Variants in TBC1D13 observed in about 807,000 individuals in gnomAD.
TBC1D13 encodes the protein TBC1 domain family member 13.
TBC1D13 carries 40 observed loss-of-function variants against 53.6 expected under a neutral mutation model. That is an observed-to-expected ratio of 0.75 (90% CI 0.58 to 0.97). The LOEUF (loss-of-function observed/expected upper bound fraction) is 0.97, where lower values mean the gene tolerates loss of function less well. TBC1D13 is among the 50% of genes least tolerant of loss of function. TBC1D13 has a pLI of 0.00. For synonymous variants in TBC1D13, 182 were observed against 197.7 expected (o/e 0.92, Z 0.67); for missense variants, 377 against 499.4 (o/e 0.75, Z 2.34).
intron 7 of TBC1D13, among the ~76,000 whole-genome samples, chr9:128,799,798 G>C (rs971821072): frequency 6.6e-5 from 10 of 152,184 alleles, no homozygotes; most frequent in Admixed American, 2.0e-4. Flanking sequence ...GAGGCGGGCG[G>C]ATCATGAGGT....
In TBC1D13 at chr9:128,797,218, A is replaced by G; in HGVS notation, c.543+4A>G. Reference sequence around the variant, plus strand: ...GAACCGGAGTGGGGTCACAAATGTGAGTGCCAACCTGGGGTCCCCAGGGAC... The same window carrying G: ...GAACCGGAGTGGGGTCACAAATGTGGGTGCCAACCTGGGGTCCCCAGGGAC... On this transcript the variant is annotated splice_donor_region_variant and intron_variant, in intron 7 of 11. Coordinates refer to ENST00000372648, the MANE Select transcript of TBC1D13 (RefSeq NM_018201.5). 6.2e-7 allele frequency: 1 copy of G among 1,613,816 alleles called. No individual in the cohort carries two copies. Among genetic ancestry groups the G allele is most frequent in the Non-Finnish European group, 8.5e-7 (1 of 1,179,836 alleles).
Position 128,804,266 on chromosome 9 carries a change from G to A in TBC1D13, c.918+147G>A. The A allele has an allele frequency of 4.4e-6, 4 of 915,412 alleles. No individual in the cohort carries two copies. In the South Asian group the frequency reaches 7.0e-5, roughly 16 times the overall value. 56.7% of individuals were successfully genotyped at this position (915,412 alleles called of 1,614,324 possible). A position where few individuals can be genotyped will look rare whatever the true frequency, so the allele number is the denominator to read the frequency against. Reference sequence around the variant, plus strand: ...CCCGGGACGCTGACCCATGTGCTGAGGCAGCTGATGGTGGAGCCCAGCTGG... The same window carrying A: ...CCCGGGACGCTGACCCATGTGCTGAAGCAGCTGATGGTGGAGCCCAGCTGG... On this transcript the variant is annotated intron_variant, in intron 9 of 11. Transcript: ENST00000372648.
At chr9:128,794,297 C>T (rs914550082) in intron 6 of TBC1D13, among the ~76,000 whole-genome samples, 9 of 152,190 alleles carry the variant, frequency 5.9e-5, no homozygotes, top group African/African-American at 9.7e-5. Context: ...ATGTGACCCC[C>T]GCACAGGGCA....
chr9:128,795,221 ATT>A (rs749057362), intron 6 of TBC1D13, among the ~76,000 whole-genome samples: 15 of 135,578 alleles, frequency 1.1e-4, no homozygotes, highest in East Asian at 2.1e-4. Context: ...CACCCAGCTA[ATT>A]TTTTTTTTTT....
intron 7 of TBC1D13, among the ~76,000 whole-genome samples, chr9:128,798,714 C>T (rs1829680013): frequency 1.3e-5 from 2 of 152,178 alleles, no homozygotes; most frequent in African/African-American, 4.8e-5. Context: ...CCTTAATTTA[C>T]ACCCCCTACT....
In TBC1D13 at chr9:128,803,974, C is replaced by A. The variant is rs373831850; in HGVS notation, c.773C>A (p.Thr258Asn). The stretch of plus-strand genomic sequence containing the variant: ...CTCCCAGAGCACGCCGAGGCAGACA[C>A]CTTTTTCTGCTTCACCAACCTCATG... ...SEWKEHAEAD[T>N]FFCFTNLMAE... Residue 258 changes from threonine (T) to asparagine (N), a missense_variant, in exon 9 of 12, where the codon ACC becomes AAC. Physicochemically the swap from Thr to Asn is moderately conservative, Grantham distance 65. Transcript: ENST00000372648. 1.2e-6 allele frequency: 2 copies of A among 1,613,294 alleles called. No individual in the cohort carries two copies. Among genetic ancestry groups the A allele is most frequent in the Admixed American group, 1.7e-5 (1 of 59,994 alleles).
Position 128,803,989 on chromosome 9 carries a change from C to T in TBC1D13, c.788C>T (p.Thr263Ile). The T allele has an allele frequency of 1.9e-6, 3 of 1,613,728 alleles. No homozygotes were observed. Among genetic ancestry groups the T allele is most frequent in the Non-Finnish European group, 2.5e-6 (3 of 1,180,030 alleles). Residue 263 changes from threonine to isoleucine, a missense_variant, in exon 9 of 12, where the codon ACC (threonine) becomes ATC (isoleucine). Coordinates refer to ENST00000372648, the MANE Select transcript of TBC1D13 (RefSeq NM_018201.5). ...HAEADTFFCF[T>I]NLMAEIRDNF... ...GAGGCAGACACCTTTTTCTGCTTCA[C>T]CAACCTCATGGCCGAGATCCGGGAC...
chr9:128,797,005 G>T, intron 6 of TBC1D13, 50 bp from the exon 7 acceptor site: 1 of 1,601,728 alleles, frequency 6.2e-7, no homozygotes, highest in South Asian at 1.1e-5. Flanking sequence ...ATGGGATGGC[G>T]AAAACTTCCA....
intron 6 of TBC1D13, among the ~76,000 whole-genome samples, chr9:128,794,055 C>T (rs1829581918): frequency 6.6e-6 from 1 of 152,214 alleles, no homozygotes; most frequent in East Asian, 1.9e-4. Flanking sequence ...GAGGGAGGCC[C>T]TGTTTTCCTT....
rs1276027704 is a variant in TBC1D13, at chr9:128,809,152, G to A, written c.*1273G>A. 1.3e-5 allele frequency: 2 copies of A among 152,378 alleles called. No individual in the cohort carries two copies. Among genetic ancestry groups the A allele is most frequent in the Non-Finnish European group, 2.9e-5 (2 of 68,182 alleles). 9.4% of individuals were successfully genotyped at this position (152,378 alleles called of 1,614,324 possible). On this transcript the variant is annotated 3_prime_UTR_variant, in exon 12 of 12. Transcript: ENST00000372648. Reference sequence around the variant, plus strand: ...AGGCCCTGGGTCCTGCCAGTTCCAGGAGGGCCATGTCTGTGCCTCTGTGTA... The same window carrying A: ...AGGCCCTGGGTCCTGCCAGTTCCAGAAGGGCCATGTCTGTGCCTCTGTGTA...
chr9:128,801,983 G>T (rs1252020768), intron 7 of TBC1D13, among the ~76,000 whole-genome samples: 4 of 147,758 alleles, frequency 2.7e-5, no homozygotes, highest in Non-Finnish European at 6.0e-5. Flanking sequence ...GGATGGTCTT[G>T]GTCTCCTGAC....
In TBC1D13 at chr9:128,787,297, C is replaced by T. The variant is rs1188896585; in HGVS notation, c.-57C>T. ...TGGGGGGCGGCGGCGGCGGCGGCAG[C>T]GCAGGCGGCAGAGGCGCAGGCGGCG... On this transcript the variant is annotated 5_prime_UTR_variant, in exon 1 of 12. Coordinates refer to ENST00000372648, the MANE Select transcript of TBC1D13 (RefSeq NM_018201.5). The T allele has an allele frequency of 3.2e-6, 4 of 1,254,250 alleles. No homozygotes were observed. Among genetic ancestry groups the T allele is most frequent in the Middle Eastern group, 2.1e-4 (1 of 4,826 alleles). 77.7% of individuals were successfully genotyped at this position (1,254,250 alleles called of 1,614,324 possible). A position where few individuals can be genotyped will look rare whatever the true frequency, so the allele number is the denominator to read the frequency against.
chr9:128,788,051 G>A (rs1829461999), intron 1 of TBC1D13, among the ~76,000 whole-genome samples: 1 of 152,226 alleles, frequency 6.6e-6, no homozygotes, highest in Non-Finnish European at 1.5e-5. Context: ...GTTGGAATAT[G>A]TCTAATTTTA....
chr9:128,797,008 A>G, intron 6 of TBC1D13, 47 bp from the exon 7 acceptor site: 1 of 1,603,654 alleles, frequency 6.2e-7, no homozygotes, highest in Non-Finnish European at 8.5e-7. Flanking sequence ...GGATGGCGAA[A>G]ACTTCCACCT....
chr9:128,795,928 G>GTT (rs2132538702), intron 6 of TBC1D13, among the ~76,000 whole-genome samples: 1 of 152,098 alleles, frequency 6.6e-6, no homozygotes, highest in Non-Finnish European at 1.5e-5. Context: ...TATGTTTGGA[G>GTT]TTTAAAAGAG....
At chr9:128,796,770 T>C (rs1829637961) in intron 6 of TBC1D13, among the ~76,000 whole-genome samples, 1 of 151,546 alleles carries the variant, frequency 6.6e-6, no homozygotes, top group Admixed American at 6.6e-5. Flanking sequence ...AAACTCCATC[T>C]CTAAAAAAAT....
rs1829434575 is a variant in TBC1D13, at chr9:128,787,315, A to T, written c.-39A>T. ...GCGGCAGCGCAGGCGGCAGAGGCGCAGGCGGCGGAGGCGGCTGGGGGGTCC... is the reference window on the plus strand; with the variant it reads ...GCGGCAGCGCAGGCGGCAGAGGCGCTGGCGGCGGAGGCGGCTGGGGGGTCC... On this transcript the variant is annotated 5_prime_UTR_variant, in exon 1 of 12. Coordinates refer to ENST00000372648, the MANE Select transcript of TBC1D13 (RefSeq NM_018201.5). 8.0e-7 allele frequency: 1 copy of T among 1,255,580 alleles called. No homozygotes were observed. The highest frequency in any genetic ancestry group is 1.0e-6 in the Non-Finnish European group (1 of 994,156). 77.8% of individuals were successfully genotyped at this position (1,255,580 alleles called of 1,614,324 possible).
At chr9:128,801,180 A>G (rs1174584234) in intron 7 of TBC1D13, among the ~76,000 whole-genome samples, 1 of 151,776 alleles carries the variant, frequency 6.6e-6, no homozygotes, top group Non-Finnish European at 1.5e-5. Flanking sequence ...TCAAAAAAAG[A>G]AGAAGGGCAT....
chr9:128,802,306 T>C (rs10988119), intron 7 of TBC1D13, among the ~76,000 whole-genome samples: 56,628 of 151,782 alleles, frequency 0.37, 13,981 homozygotes, highest in African/African-American at 0.71. Flanking sequence ...AATCTGCCCG[T>C]CTTGACCTCC....
Sources: allele counts gnomAD v4.1 joint callset (sites outside exome capture counted in the v4.1 genomes callset), GRCh38; gene constraint gnomAD v4.1.1; transcripts MANE v1.5; gene names NCBI Gene and HGNC (gene_info 2026-07-23, HGNC 2026-07-21).